YEATS2: variants seen among roughly 807,000 people sequenced by gnomAD.
YEATS2 encodes the protein YEATS domain containing 2.
In YEATS2, 77 loss-of-function variants were observed where a neutral mutation model predicts 163.2. That is an observed-to-expected ratio of 0.47 (90% CI 0.39 to 0.57). The LOEUF (loss-of-function observed/expected upper bound fraction) is 0.57, where lower values mean the gene tolerates loss of function less well. Among genes scored for constraint, YEATS2 ranks in the 20% least tolerant of loss-of-function variants. The pLI is 0.00. For synonymous variants in YEATS2, 631 were observed against 645.1 expected (o/e 0.98, Z 0.33); for missense variants, 1,549 against 1,729.8 (o/e 0.90, Z 1.85).
rs1238357139 is a variant in YEATS2, at chr3:183,811,714, G to A, written c.*1131G>A. On this transcript the variant is annotated 3_prime_UTR_variant, in exon 31 of 31. Coordinates refer to ENST00000305135, the MANE Select transcript of YEATS2 (RefSeq NM_018023.5). ...CGCTGCCAGGTGCCCGGGTCTATTG[G>A]AGGCGCCCCATCTCAGACTTCCTAA... is the stretch of plus-strand genomic sequence containing the variant. 6.6e-6 allele frequency: 1 copy of A among 152,360 alleles called. No homozygotes were observed. 9.4% of individuals were successfully genotyped at this position (152,360 alleles called of 1,614,324 possible).
chr3:183,729,553 A>G (rs566601304), intron 7 of YEATS2, among the ~76,000 whole-genome samples: 2 of 152,272 alleles, frequency 1.3e-5, no homozygotes, highest in South Asian at 4.1e-4. Flanking sequence ...GTAACTCCCA[A>G]TCATATTTCT....
chr3:183,778,382 C>G (rs577038741), intron 19 of YEATS2, among the ~76,000 whole-genome samples: 2 of 152,300 alleles, frequency 1.3e-5, no homozygotes, highest in Admixed American at 6.5e-5. Context: ...TTAGAAGAAA[C>G]AAAGCTTTCT....
chr3:183,708,716 G>A (rs1714876356), intron 1 of YEATS2, among the ~76,000 whole-genome samples: 1 of 152,088 alleles, frequency 6.6e-6, no homozygotes, highest in Non-Finnish European at 1.5e-5. Context: ...AAAATAAAAA[G>A]ATTAGCAGGT....
intron 1 of YEATS2, among the ~76,000 whole-genome samples, chr3:183,714,308 G>C (rs1715592779): frequency 6.7e-6 from 1 of 149,446 alleles, no homozygotes; most frequent in Non-Finnish European, 1.5e-5. Context: ...CCATTTTCCT[G>C]CCTCAATCTC....
intron 10 of YEATS2, among the ~76,000 whole-genome samples, chr3:183,753,403 C>T (rs1428598209): frequency 6.6e-6 from 1 of 152,090 alleles, no homozygotes; most frequent in Non-Finnish European, 1.5e-5. Context: ...AAAATCTCAA[C>T]TTTATTCCTC....
intron 8 of YEATS2, 108 bp from the exon 9 acceptor site, chr3:183,747,564 C>T (rs1365091907): frequency 4.0e-6 from 3 of 753,292 alleles, no homozygotes; most frequent in African/African-American, 1.8e-5. Context: ...AAAAGTAGAT[C>T]CTATGGTATG....
chr3:183,750,741 C>T (rs1720077119), intron 9 of YEATS2, among the ~76,000 whole-genome samples: 1 of 152,104 alleles, frequency 6.6e-6, no homozygotes, highest in Non-Finnish European at 1.5e-5. Context: ...GGAGAAATGT[C>T]TATTCAGAGA....
chr3:183,715,119 T>G (rs763434470), intron 1 of YEATS2, 25 bp from the exon 2 acceptor site: 1 of 1,447,792 alleles, frequency 6.9e-7, no homozygotes, highest in Non-Finnish European at 9.6e-7. Context: ...TAATTAAAAA[T>G]TATTAATTTA....
intron 5 of YEATS2, among the ~76,000 whole-genome samples, chr3:183,723,593 CAT>C (rs1406693340): frequency 6.6e-6 from 1 of 152,168 alleles, no homozygotes; most frequent in East Asian, 1.9e-4. Context: ...GCAAATATTA[CAT>C]GTGTTTTTCT....
intron 12 of YEATS2, 149 bp from the exon 13 acceptor site, chr3:183,758,713 C>A: frequency 1.6e-6 from 1 of 634,320 alleles, no homozygotes; most frequent in Non-Finnish European, 2.7e-6. Flanking sequence ...GGGTTTTTTT[C>A]CATACTAGTT....
chr3:183,755,741 CTTTTTTTTTTTTTTTTTT>C (rs57050296), intron 11 of YEATS2, among the ~76,000 whole-genome samples: 2 of 82,220 alleles, frequency 2.4e-5, no homozygotes, highest in Admixed American at 1.4e-4. Context: ...TCCTTCCTTT[CTTTTTTTTTTTTTTTTTT>C]TTTTTTTTTT....
intron 19 of YEATS2, among the ~76,000 whole-genome samples, chr3:183,778,625 G>T (rs1723252138): frequency 6.6e-6 from 1 of 152,136 alleles, no homozygotes; most frequent in African/African-American, 2.4e-5. Context: ...GAAAGTGCTG[G>T]GATTACAGGC....
At position 183,715,167 on chromosome 3, in the gene YEATS2, C is replaced by T; in HGVS notation, c.5C>T (p.Ser2Phe). The T allele has an allele frequency of 6.2e-7, 1 of 1,610,832 alleles. No individual in the cohort carries two copies. Among genetic ancestry groups the T allele is most frequent in the South Asian group, 1.1e-5 (1 of 90,862 alleles). Residue 2 changes from serine to phenylalanine, a missense_variant, in exon 2 of 31, where the codon TCT (serine) becomes TTT (phenylalanine). Physicochemically the swap from Ser to Phe is radical, Grantham distance 155. Transcript: ENST00000305135. Reference protein sequence around the residue: MSGIKRTIKETD... With the variant: MFGIKRTIKETD... ...AGTGAAGAACTGAATGTCATCATGT[C>T]TGGAATCAAGCGAACCATCAAAGAA...
At position 183,725,253 on chromosome 3, in the gene YEATS2, AC is replaced by A. The variant is rs1376205864; in HGVS notation, c.650+726del. Among the ~76,000 whole-genome samples the A allele has an allele frequency of 2.0e-5, 3 of 151,766 alleles. No individual in the cohort carries two copies. In the East Asian group the frequency reaches 5.8e-4, roughly 29 times the overall value. On this transcript the variant is annotated intron_variant, in intron 6 of 30. Coordinates refer to ENST00000305135, the MANE Select transcript of YEATS2 (RefSeq NM_018023.5). ...TTGCTAGAGAAGAGGCAGTATAATA[AC>A]CCCTACCCTTGCTTGTGCAGTTTGT...
chr3:183,731,303 A>G (rs1226488066), intron 7 of YEATS2, among the ~76,000 whole-genome samples: 2 of 56,866 alleles, frequency 3.5e-5, no homozygotes, highest in Non-Finnish European at 9.1e-5. Context: ...GTCTCAAAAA[A>G]AAAAAAAAAA....
Position 183,709,636 on chromosome 3 carries a change from A to G in YEATS2, c.-19-5508A>G, listed in dbSNP as rs1176757885. 2.7e-5 allele frequency among the ~76,000 whole-genome samples: 4 copies of G among 148,678 alleles called. No homozygotes were observed. The East Asian group carries it at 8.2e-4, about 30-fold the overall frequency. ...AGGCCTGAGCCTCTGCATCTTGCCC[A>G]CATTTACTTTTTATAATGAGGCTGT... On this transcript the variant is annotated intron_variant, in intron 1 of 30. Transcript: ENST00000305135.
intron 4 of YEATS2, among the ~76,000 whole-genome samples, chr3:183,719,626 C>T (rs1716283627): frequency 6.6e-6 from 1 of 151,956 alleles, no homozygotes; most frequent in South Asian, 2.1e-4. Flanking sequence ...TTTTTAGTTT[C>T]AGATTTACCC....
chr3:183,804,716 C>G (rs937069725), intron 27 of YEATS2, among the ~76,000 whole-genome samples: 1 of 151,422 alleles, frequency 6.6e-6, no homozygotes, highest in South Asian at 2.1e-4. Flanking sequence ...GGCCGGGCGC[C>G]GTGGCTCACG....
chr3:183,772,639 C>T, intron 16 of YEATS2, 76 bp downstream of exon 16: 1 of 1,565,004 alleles, frequency 6.4e-7, no homozygotes, highest in Non-Finnish European at 8.7e-7. Flanking sequence ...ATTTTATTTG[C>T]TATTTGATCT....
Sources: gnomAD v4.1 joint callset for allele counts (sites outside exome capture counted in the v4.1 genomes callset) on GRCh38, gnomAD v4.1.1 for gene constraint, MANE v1.5 for transcripts, NCBI Gene and HGNC (gene_info 2026-07-23, HGNC 2026-07-21) for gene names.